The following TOX2 variants were observed in gnomAD, a reference collection of about 807,000 sequenced individuals.
The protein encoded by TOX2 is TOX high mobility group box family member 2, also known as granulosa cell HMG box 1.
Under a neutral mutation model 47.4 loss-of-function variants are expected in TOX2, and 15 were observed. The observed-to-expected ratio is 0.32, with a 90% confidence interval of 0.21 to 0.49. TOX2 has a LOEUF of 0.49. TOX2 is among the 20% of genes least tolerant of loss of function. TOX2 has a pLI of 0.99. For missense variants in TOX2, 622 were observed against 673.1 expected, an observed-to-expected ratio of 0.92 and a Z score of 0.84; for synonymous variants, 290 against 296.6, an observed-to-expected ratio of 0.98 and a Z score of 0.23.
intron 1 of TOX2, among the ~76,000 whole-genome samples, chr20:43,959,132 G>A (rs1450889959): frequency 1.3e-5 from 2 of 152,210 alleles, no homozygotes; most frequent in East Asian, 3.9e-4. Flanking sequence ...CGGGGAGCTG[G>A]CCTTTCTCTG....
intron 3 of TOX2, among the ~76,000 whole-genome samples, chr20:44,007,701 G>A (rs1046279518): frequency 1.3e-5 from 2 of 152,124 alleles, no homozygotes; most frequent in Non-Finnish European, 1.5e-5. Context: ...TTAGCCAGGT[G>A]TGGTGGCATG....
intron 3 of TOX2, among the ~76,000 whole-genome samples, chr20:44,042,889 G>A (rs924572914): frequency 1.3e-5 from 2 of 152,170 alleles, no homozygotes; most frequent in Non-Finnish European, 2.9e-5. Context: ...TTATGGAGGT[G>A]GAACCAATAA....
intron 2 of TOX2, among the ~76,000 whole-genome samples, chr20:43,983,832 A>G (rs1466313196): frequency 3.9e-5 from 6 of 152,176 alleles, no homozygotes; most frequent in African/African-American, 1.4e-4. Context: ...TTGCTGTCCC[A>G]TTTTACAGAG....
intron 1 of TOX2, among the ~76,000 whole-genome samples, chr20:43,965,015 A>G (rs1161958899): frequency 2.0e-5 from 3 of 152,160 alleles, no homozygotes; most frequent in Admixed American, 1.3e-4. Context: ...ACATGTGTCA[A>G]AGAAGAAGGC....
chr20:43,964,890 C>T (rs188582601), intron 1 of TOX2, among the ~76,000 whole-genome samples: 2 of 152,268 alleles, frequency 1.3e-5, no homozygotes, highest in African/African-American at 4.8e-5. Flanking sequence ...TGCCTAGTCA[C>T]CTCCTTTGCT....
intron 5 of TOX2, 21 bp downstream of exon 5, chr20:44,054,547 GGGCC>G: frequency 1.2e-6 from 2 of 1,607,760 alleles, no homozygotes; most frequent in Non-Finnish European, 1.7e-6. Context: ...CTCTCTTTCT[GGGCC>G]ATCCCCTGAG....
At chr20:44,036,047 T>TTG (rs1487359143) in intron 3 of TOX2, among the ~76,000 whole-genome samples, 2 of 152,184 alleles carry the variant, frequency 1.3e-5, no homozygotes, top group African/African-American at 4.8e-5. Context: ...TTGGAAGGGC[T>TTG]TGTAACCATG....
At chr20:44,031,555 G>A (rs541946034) in intron 3 of TOX2, among the ~76,000 whole-genome samples, 3 of 152,264 alleles carry the variant, frequency 2.0e-5, no homozygotes, top group African/African-American at 4.8e-5. Flanking sequence ...GACCGCCACC[G>A]TTTAGGTCCT....
chr20:44,062,404 A>AAATGAATGAATG (rs746277270), intron 5 of TOX2, among the ~76,000 whole-genome samples: 12 of 144,996 alleles, frequency 8.3e-5, no homozygotes, highest in African/African-American at 2.2e-4. Flanking sequence ...ATAAATAAAT[A>AAATGAATGAATG]AATGAATAAA....
At chr20:44,066,911 A>T in intron 8 of TOX2, 54 bp downstream of exon 8, 1 of 1,573,334 alleles carries the variant, frequency 6.4e-7, no homozygotes, top group Non-Finnish European at 8.6e-7. Context: ...GAGTGGGAAC[A>T]GGATGGCCAG....
intron 3 of TOX2, among the ~76,000 whole-genome samples, chr20:44,008,585 A>C (rs1481679420): frequency 1.3e-5 from 2 of 152,064 alleles, no homozygotes; most frequent in Non-Finnish European, 2.9e-5. Context: ...ATAATGGCTG[A>C]TCTGAACCAT....
intron 1 of TOX2, among the ~76,000 whole-genome samples, chr20:43,939,245 C>T (rs553701165): frequency 6.6e-6 from 1 of 152,214 alleles, no homozygotes; most frequent in Admixed American, 6.5e-5. Context: ...TAGTAAGTTA[C>T]TTAACCTCTC....
At chr20:43,951,058 T>C (rs1477686738) in intron 1 of TOX2, among the ~76,000 whole-genome samples, 1 of 152,074 alleles carries the variant, frequency 6.6e-6, no homozygotes, top group Non-Finnish European at 1.5e-5. Context: ...GGCCCCATGA[T>C]TGACCTGCAT....
At position 44,068,687 on chromosome 20, in the gene TOX2, T is replaced by A. The variant is rs2071880289; in HGVS notation, c.*1T>A. On this transcript the variant is annotated 3_prime_UTR_variant, in exon 9 of 9. Transcript: ENST00000341197. ...GGACAAATCGCTCTACCTCACCTAA[T>A]CCCGCCTCCCTACCATCCCTGAGGC... 1 of 1,613,742 alleles carries A rather than the reference T, an allele frequency of 6.2e-7. No homozygotes were observed. The highest frequency in any genetic ancestry group is 1.1e-5 in the South Asian group (1 of 91,068).
At position 44,006,519 on chromosome 20, in the gene TOX2, C is replaced by T. The variant is rs751568180; in HGVS notation, c.166-28C>T. 3 of 1,588,052 alleles carry T rather than the reference C, an allele frequency of 1.9e-6. No homozygotes were observed. The South Asian group carries it at 3.5e-5, about 18-fold the overall frequency. On this transcript the variant is annotated intron_variant, in intron 2 of 8. Coordinates refer to ENST00000341197, the MANE Select transcript of TOX2 (RefSeq NM_001098797.2). ...TTCTGCGGTTGTAAGGCACTGACCC[C>T]CACCGACATGTCTTTTTGATGTTTT... is the stretch of plus-strand genomic sequence containing the variant.
chr20:44,019,680 C>A (rs954814170), intron 3 of TOX2, among the ~76,000 whole-genome samples: 2 of 152,184 alleles, frequency 1.3e-5, no homozygotes, highest in Non-Finnish European at 2.9e-5. Flanking sequence ...TGCTGGAGCC[C>A]TGAGGAATCT....
intron 3 of TOX2, among the ~76,000 whole-genome samples, chr20:44,023,226 C>G (rs887560198): frequency 1.3e-5 from 2 of 151,870 alleles, no homozygotes; most frequent in East Asian, 3.9e-4. Context: ...GTCAGGAGTT[C>G]AAGGCCAGCC....
intron 3 of TOX2, among the ~76,000 whole-genome samples, chr20:44,043,740 A>G (rs1401725854): frequency 1.3e-5 from 2 of 152,258 alleles, no homozygotes; most frequent in Non-Finnish European, 2.9e-5. Flanking sequence ...TAAAGGTAAC[A>G]TCATAACTCT....
At chr20:44,019,161 C>T (rs2070939323) in intron 3 of TOX2, among the ~76,000 whole-genome samples, 1 of 152,184 alleles carries the variant, frequency 6.6e-6, no homozygotes, top group Admixed American at 6.5e-5. Context: ...TCTGTAAACA[C>T]CTCAAACATC....
Sources: gnomAD v4.1 joint callset for allele counts (sites outside exome capture counted in the v4.1 genomes callset) on GRCh38, gnomAD v4.1.1 for gene constraint, MANE v1.5 for transcripts, NCBI Gene and HGNC (gene_info 2026-07-23, HGNC 2026-07-21) for gene names.